The following DHRSX variants were observed in gnomAD, a reference collection of about 807,000 sequenced individuals.
DHRSX encodes the protein polyprenol dehydrogenase.
Under a neutral mutation model 34.0 loss-of-function variants are expected in DHRSX, and 31 were observed. The observed-to-expected ratio is 0.91, with a 90% CI of 0.69 to 1.23. The LOEUF (loss-of-function observed/expected upper bound fraction) is 1.23, where lower values mean the gene tolerates loss of function less well. Among genes scored for constraint, DHRSX ranks in the 50% most tolerant of loss-of-function variants. The pLI, the probability that DHRSX is intolerant of heterozygous loss-of-function variation, is 0.00. For missense variants in DHRSX, 414 were observed against 428.1 expected (o/e 0.97, Z 0.29); for synonymous variants, 201 against 183.8 (o/e 1.09, Z -0.76).
chrX:2,489,967 G>C (rs771370497), intron 1 of DHRSX: 2 of 1,613,904 alleles, frequency 1.2e-6, no homozygotes, highest in Non-Finnish European at 1.7e-6. Flanking sequence ...AGACCTCATA[G>C]AGCACTCGCG....
At chrX:2,319,135 C>T (rs1325560389) in intron 3 of DHRSX, among the ~76,000 whole-genome samples, 1 of 152,036 alleles carries the variant, frequency 6.6e-6, no homozygotes, top group Non-Finnish European at 1.5e-5. Context: ...GACTGTTGGA[C>T]AACATACATC....
At chrX:2,477,764 G>A (rs1395693703) in intron 1 of DHRSX, among the ~76,000 whole-genome samples, 1 of 151,832 alleles carries the variant, frequency 6.6e-6, no homozygotes, top group Non-Finnish European at 1.5e-5. Context: ...AGAATTGCTC[G>A]AACCTGGGAG....
At chrX:2,268,037 G>A (rs903973473) in intron 4 of DHRSX, among the ~76,000 whole-genome samples, 4 of 152,100 alleles carry the variant, frequency 2.6e-5, no homozygotes, top group African/African-American at 9.7e-5. Flanking sequence ...GAGAAATGCC[G>A]ACCTCAGTAT....
At chrX:2,367,034 C>G (rs1016441640) in intron 3 of DHRSX, among the ~76,000 whole-genome samples, 1 of 152,106 alleles carries the variant, frequency 6.6e-6, no homozygotes, top group African/African-American at 2.4e-5. Context: ...ACCAGCCATT[C>G]CCCAGGCTTC....
At chrX:2,384,950 A>ATAT (rs941479972) in intron 3 of DHRSX, among the ~76,000 whole-genome samples, 2 of 148,864 alleles carry the variant, frequency 1.3e-5, no homozygotes, top group East Asian at 4.0e-4. Context: ...AAGAAAAAAA[A>ATAT]ATATATATAT....
At chrX:2,362,519 T>G (rs2042945631) in intron 3 of DHRSX, among the ~76,000 whole-genome samples, 1 of 152,210 alleles carries the variant, frequency 6.6e-6, no homozygotes, top group African/African-American at 2.4e-5. Context: ...CAGACTGGCC[T>G]CGAAATCCTG....
intron 5 of DHRSX, among the ~76,000 whole-genome samples, chrX:2,265,639 T>C (rs1364734918): frequency 3.4e-3 from 300 of 88,960 alleles, no homozygotes; most frequent in Admixed American, 5.6e-3. Flanking sequence ...AGCACCAGTG[T>C]ACAGCAGACG....
At chrX:2,438,770 T>C (rs1397272905) in intron 1 of DHRSX, among the ~76,000 whole-genome samples, 1 of 151,860 alleles carries the variant, frequency 6.6e-6, no homozygotes, top group African/African-American at 2.4e-5. Flanking sequence ...TGGAGCTTCA[T>C]ATATTCACAC....
At chrX:2,406,884 G>C (rs1443458376) in intron 3 of DHRSX, among the ~76,000 whole-genome samples, 1 of 152,086 alleles carries the variant, frequency 6.6e-6, no homozygotes, top group Non-Finnish European at 1.5e-5. Flanking sequence ...AAAAATAAAA[G>C]CACCACATAA....
intron 3 of DHRSX, among the ~76,000 whole-genome samples, chrX:2,308,297 A>AG (rs2042124283): frequency 1.3e-5 from 2 of 152,102 alleles, no homozygotes; most frequent in African/African-American, 4.8e-5. Flanking sequence ...CTACACTCAG[A>AG]GCCTGTGAAA....
At chrX:2,301,189 G>C (rs1055000654) in intron 3 of DHRSX, among the ~76,000 whole-genome samples, 1 of 152,206 alleles carries the variant, frequency 6.6e-6, no homozygotes, top group African/African-American at 2.4e-5. Flanking sequence ...TGAGGCGGGC[G>C]ATCACCTGAG....
At chrX:2,316,992 C>T (rs1183697868) in intron 3 of DHRSX, among the ~76,000 whole-genome samples, 1 of 152,192 alleles carries the variant, frequency 6.6e-6, no homozygotes, top group African/African-American at 2.4e-5. Flanking sequence ...GAGTCTCCCT[C>T]TGTCGCCCAG....
intron 6 of DHRSX, among the ~76,000 whole-genome samples, chrX:2,227,154 G>A (rs2015685181): frequency 6.6e-6 from 1 of 152,044 alleles, no homozygotes; most frequent in South Asian, 2.1e-4. Context: ...CTGAGAACCG[G>A]GCAGGAAGGG....
intron 1 of DHRSX, among the ~76,000 whole-genome samples, chrX:2,446,172 C>G (rs757424040): frequency 1.3e-5 from 2 of 149,646 alleles, no homozygotes; most frequent in South Asian, 4.3e-4. Context: ...ACACTAAAGA[C>G]ATTCCCTAAG....
intron 3 of DHRSX, among the ~76,000 whole-genome samples, chrX:2,295,992 C>A (rs2041927434): frequency 6.6e-6 from 1 of 152,124 alleles, no homozygotes; most frequent in African/African-American, 2.4e-5. Flanking sequence ...TGCTTGTGTG[C>A]CTCACTTGGG....
intron 4 of DHRSX, among the ~76,000 whole-genome samples, chrX:2,276,458 T>G (rs2041650981): frequency 6.6e-6 from 1 of 152,170 alleles, no homozygotes; most frequent in Non-Finnish European, 1.5e-5. Flanking sequence ...CGTCCATCGA[T>G]CTGCCAATTC....
At chrX:2,498,561 A>ACGTGACTTCACCAGAAGCT (rs1287633255) in intron 1 of DHRSX, among the ~76,000 whole-genome samples, 1 of 151,024 alleles carries the variant, frequency 6.6e-6, no homozygotes, top group Non-Finnish European at 1.5e-5. Context: ...CTTGGCAGAC[A>ACGTGACTTCACCAGAAGCT]CGTGACTTCA....
intron 4 of DHRSX, among the ~76,000 whole-genome samples, chrX:2,285,704 G>T (rs1462301819): frequency 2.0e-5 from 3 of 152,134 alleles, no homozygotes; most frequent in African/African-American, 7.2e-5. Flanking sequence ...ACCACCACTG[G>T]AGTCCTTCCC....
At chrX:2,264,404 C>T (rs1371391408) in intron 5 of DHRSX, among the ~76,000 whole-genome samples, 3 of 151,412 alleles carry the variant, frequency 2.0e-5, no homozygotes, top group Non-Finnish European at 4.4e-5. Flanking sequence ...GCACCATGCC[C>T]AGAGCACCTG....
Sources: allele counts gnomAD v4.1 joint callset (sites outside exome capture counted in the v4.1 genomes callset), GRCh38; gene constraint gnomAD v4.1.1; transcripts MANE v1.5; gene names NCBI Gene and HGNC (gene_info 2026-07-23, HGNC 2026-07-21).